The following MCF2L variants were observed in gnomAD, a reference collection of about 807,000 sequenced individuals.
MCF2L encodes guanine nucleotide exchange factor DBS.
MCF2L carries 97 observed loss-of-function variants against 153.4 expected under a neutral mutation model. That is an observed-to-expected ratio of 0.63 (90% confidence interval 0.54 to 0.75). MCF2L has a LOEUF of 0.75. MCF2L is among the 30% of genes least tolerant of loss of function. The probability of loss-of-function intolerance (pLI) is 0.00; values close to 1 mark genes in which losing one functional copy is unlikely to be tolerated. For synonymous variants in MCF2L, 659 were observed against 632.2 expected (o/e 1.04, Z -0.64); for missense variants, 1,347 against 1,495.2 (o/e 0.90, Z 1.64).
At chr13:113,025,219 T>G (rs1360424185) in intron 3 of MCF2L, among the ~76,000 whole-genome samples, 1 of 110,484 alleles carries the variant, frequency 9.1e-6, no homozygotes, top group Non-Finnish European at 1.9e-5. Flanking sequence ...TCCCCGTGAC[T>G]GTGGGTCGGG....
At chr13:112,986,900 G>A (rs2082667873) in intron 1 of MCF2L, among the ~76,000 whole-genome samples, 1 of 152,268 alleles carries the variant, frequency 6.6e-6, no homozygotes, top group South Asian at 2.1e-4. Context: ...TGCCTCAAGG[G>A]TGGCAGGAGC....
Position 113,053,584 on chromosome 13 carries a change from T to A in MCF2L, c.370-7009T>A, listed in dbSNP as rs1174711045. On this transcript the variant is annotated intron_variant, in intron 4 of 29. Coordinates refer to ENST00000535094, the MANE Select transcript of MCF2L (RefSeq NM_001112732.3). The surrounding 1 kb of genome is among the most constrained non-coding windows in gnomAD (Gnocchi z 4.4). ...AGGTGCCTCTCCTCTTGGTAATCAGTGGGTCATGTGTGGTGATGCTCAGGA... is the reference window on the plus strand; with the variant it reads ...AGGTGCCTCTCCTCTTGGTAATCAGAGGGTCATGTGTGGTGATGCTCAGGA... Among the ~76,000 whole-genome samples the A allele has an allele frequency of 6.6e-6, 1 of 152,136 alleles. No homozygotes were observed. Among genetic ancestry groups the A allele is most frequent in the Non-Finnish European group, 1.5e-5 (1 of 68,030 alleles).
At chr13:112,981,473 C>A (rs2082423136) in intron 1 of MCF2L, among the ~76,000 whole-genome samples, 2 of 152,336 alleles carry the variant, frequency 1.3e-5, no homozygotes, top group African/African-American at 4.8e-5. Context: ...ACGTCCTGCC[C>A]TTGGCTGGAA....
rs114245748 is a variant in MCF2L at position 112,979,556 on chromosome 13, G to T, written c.79+10098G>T. On this transcript the variant is annotated intron_variant, in intron 1 of 29. Coordinates refer to ENST00000535094, the MANE Select transcript of MCF2L (RefSeq NM_001112732.3). ...GGCACCCGCCCGGCTTTTAGCTGTC[G>T]CAGCAGAGACCCGAAGGCTGTGGCT... is the stretch of plus-strand genomic sequence containing the variant. 1.1e-3 allele frequency: 1,659 copies of T among 1,550,722 alleles called. 15 individuals are homozygous for T. In the African/African-American group the frequency reaches 0.019, roughly 18 times the overall value.
rs570512272 is a variant in MCF2L at position 113,071,703 on chromosome 13, C to T, written c.996+1530C>T. On this transcript the variant is annotated intron_variant, in intron 9 of 29. Coordinates refer to ENST00000535094, the MANE Select transcript of MCF2L (RefSeq NM_001112732.3). The stretch of plus-strand genomic sequence containing the variant: ...TTTGTGTGGGTCTGTTCTGGAGACT[C>T]TCTATTCAATTATGTTTATCTACAT... Among the ~76,000 whole-genome samples, 97 of 152,304 alleles carry T rather than the reference C, an allele frequency of 6.4e-4. 1 individual carries two copies. The South Asian group carries it at 0.01, about 16-fold the overall frequency.
chr13:113,022,011 G>A (rs1185982937), intron 2 of MCF2L, among the ~76,000 whole-genome samples: 1 of 152,200 alleles, frequency 6.6e-6, no homozygotes, highest in Non-Finnish European at 1.5e-5. Context: ...CCCCTGGGCA[G>A]CTGGAGGCTC....
chr13:112,924,790 G>A (rs1455015301), intron 2 of MCF2L, among the ~76,000 whole-genome samples: 1 of 152,204 alleles, frequency 6.6e-6, no homozygotes, highest in Admixed American at 6.5e-5. Context: ...GAAAACCCTG[G>A]AGAGTATCAG....
chr13:113,090,481 G>T (rs1212908759), intron 26 of MCF2L: 10 of 967,008 alleles, frequency 1.0e-5, no homozygotes. Flanking sequence ...TGAGTTCCCT[G>T]CAGGGTGCTG....
chr13:113,082,525 C>CT lies in MCF2L; in HGVS notation c.1975dup (p.Tyr659LeufsTer17). ...TTTTGTTTGGAAACATGGAGGAAAT[C>CT]TATCACTTCCACAACAGGTGGGCCC... is the stretch of plus-strand genomic sequence containing the variant. On this transcript the variant is annotated frameshift_variant, in exon 17 of 30. Transcript: ENST00000535094. LOFTEE classifies it high-confidence loss of function. 6.2e-7 allele frequency: 1 copy of CT among 1,612,658 alleles called. No homozygotes were observed. Among genetic ancestry groups the CT allele is most frequent in the Non-Finnish European group, 8.5e-7 (1 of 1,178,758 alleles).
chr13:112,923,349 C>T (rs755427331), intron 2 of MCF2L, among the ~76,000 whole-genome samples: 5 of 148,772 alleles, frequency 3.4e-5, no homozygotes, highest in South Asian at 2.2e-4. Context: ...CTGCAAGCTC[C>T]GCCTCCTGGG....
intron 16 of MCF2L, 98 bp downstream of exon 16, chr13:113,081,377 TC>T: frequency 8.3e-7 from 1 of 1,211,172 alleles, no homozygotes; most frequent in Non-Finnish European, 1.2e-6. Flanking sequence ...CAGCCTGCTG[TC>T]CACCAAATGC....
At chr13:112,965,812 G>C (rs571578974), upstream of MCF2L, 3 of 152,142 alleles carry the variant, frequency 2.0e-5, no homozygotes, top group Non-Finnish European at 2.9e-5. Context: ...CTCCCTCCTG[G>C]GGCGCCTCTG....
intron 2 of MCF2L, among the ~76,000 whole-genome samples, chr13:112,942,964 T>G (rs537466307): frequency 1.1e-4 from 16 of 152,308 alleles, no homozygotes; most frequent in African/African-American, 3.8e-4. Context: ...CTTCTGTATT[T>G]AGGATTGACA....
chr13:112,969,332 C>A lies in MCF2L; in HGVS notation c.-48C>A, dbSNP rs1046910452. On this transcript the variant is annotated 5_prime_UTR_variant, in exon 1 of 30. Coordinates refer to ENST00000535094, the MANE Select transcript of MCF2L (RefSeq NM_001112732.3). The surrounding 1 kb of genome is among the most constrained non-coding windows in gnomAD (Gnocchi z 4.8). The stretch of plus-strand genomic sequence containing the variant: ...CACGGCCCCACCCGCAGGCGCCCCC[C>A]GTGCGGAGGAAGCGGATCTGCCAGG... The A allele has an allele frequency of 8.4e-6, 13 of 1,547,152 alleles. No individual in the cohort carries two copies. The East Asian group carries it at 2.5e-4, about 29-fold the overall frequency.
chr13:113,020,883 G>T (rs372250899), intron 2 of MCF2L, among the ~76,000 whole-genome samples: 1,559 of 100,114 alleles, frequency 0.016, 30 homozygotes, highest in African/African-American at 0.06. Context: ...TGTATGTGTA[G>T]ATGTGTGTAT....
At chr13:113,089,175 C>A (rs1467935545) in intron 25 of MCF2L, among the ~76,000 whole-genome samples, 5 of 118,082 alleles carry the variant, frequency 4.2e-5, no homozygotes, top group South Asian at 4.0e-4. Flanking sequence ...CCCCGCCCCC[C>A]CCCCCGCCCC....
intron 2 of MCF2L, among the ~76,000 whole-genome samples, chr13:112,925,626 A>G (rs1291358262): frequency 2.0e-5 from 3 of 152,192 alleles, no homozygotes; most frequent in African/African-American, 7.2e-5. Context: ...TAGTGGTCAT[A>G]GTATTAATGG....
chr13:112,942,994 G>A (rs1321057878), intron 2 of MCF2L, among the ~76,000 whole-genome samples: 1 of 152,220 alleles, frequency 6.6e-6, no homozygotes, highest in African/African-American at 2.4e-5. Context: ...AGGATATGGT[G>A]TGTGAAGATA....
At chr13:112,921,293 C>A (rs1014767500) in intron 2 of MCF2L, among the ~76,000 whole-genome samples, 1 of 152,164 alleles carries the variant, frequency 6.6e-6, no homozygotes, top group Admixed American at 6.5e-5. Context: ...AGTAAGAAAA[C>A]AGAGGTTGCA....
Sources: gnomAD v4.1 joint callset for allele counts (sites outside exome capture counted in the v4.1 genomes callset) on GRCh38, gnomAD v4.1.1 for gene constraint, Gnocchi (gnomAD v3.1) non-coding constraint, MANE v1.5 for transcripts, NCBI Gene and HGNC (gene_info 2026-07-23, HGNC 2026-07-21) for gene names.